RNF121: variants seen among roughly 807,000 people sequenced by gnomAD.
The protein encoded by RNF121 is ring finger protein 121.
In RNF121, 21 loss-of-function variants were observed where a neutral mutation model predicts 46.5. The observed-to-expected ratio is 0.45, with a 90% CI of 0.32 to 0.65. RNF121 has a LOEUF of 0.65. RNF121 is among the 30% of genes least tolerant of loss of function. The probability of loss-of-function intolerance (pLI) is 0.04; values close to 1 mark genes in which losing one functional copy is unlikely to be tolerated. For synonymous variants in RNF121, 139 were observed against 144.7 expected (o/e 0.96, Z 0.28); for missense variants, 346 against 416.0 (o/e 0.83, Z 1.46).
At chr11:71,930,455 G>T (rs1383666698) in intron 1 of RNF121, among the ~76,000 whole-genome samples, 9 of 152,162 alleles carry the variant, frequency 5.9e-5, no homozygotes, top group Non-Finnish European at 1.5e-5. Context: ...GATCATTAAG[G>T]TGGGAGGAAG....
At chr11:71,933,160 G>A (rs552338105) in intron 1 of RNF121, among the ~76,000 whole-genome samples, 2 of 152,312 alleles carry the variant, frequency 1.3e-5, no homozygotes, top group South Asian at 2.1e-4. Flanking sequence ...GGAATTAGAT[G>A]CACCCTTTTG....
chr11:71,955,814 G>C (rs1218648195), intron 1 of RNF121, among the ~76,000 whole-genome samples: 1 of 152,178 alleles, frequency 6.6e-6, no homozygotes, highest in East Asian at 1.9e-4. Context: ...CCTCCCATGT[G>C]TCCCCTCAGA....
intron 4 of RNF121, among the ~76,000 whole-genome samples, chr11:71,984,724 G>A (rs2134209033): frequency 6.9e-6 from 1 of 145,882 alleles, no homozygotes; most frequent in African/African-American, 2.6e-5. Context: ...GACTACAGGT[G>A]TGTGCCGCCA....
At chr11:71,982,562 T>G (rs567182386) in intron 3 of RNF121, among the ~76,000 whole-genome samples, 199 bp from the exon 4 acceptor site, 4 of 151,962 alleles carry the variant, frequency 2.6e-5, no homozygotes, top group Non-Finnish European at 5.9e-5. Flanking sequence ...CAAGAGATAG[T>G]TGAGTGAGGG....
chr11:71,929,774 G>C lies in RNF121; in HGVS notation c.63+650G>C, dbSNP rs569713230. Among the ~76,000 whole-genome samples, 9 of 152,322 alleles carry C rather than the reference G, an allele frequency of 5.9e-5. No homozygotes were observed. In the South Asian group the frequency reaches 1.5e-3, roughly 25 times the overall value. ...TCCGGGTTCTGGGCCAGGTGCTAGGGAGACAAGGGGCCCCTCCGTTGAAGA... is the reference window on the plus strand; with the variant it reads ...TCCGGGTTCTGGGCCAGGTGCTAGGCAGACAAGGGGCCCCTCCGTTGAAGA... On this transcript the variant is annotated intron_variant, in intron 1 of 8. Coordinates refer to ENST00000361756, the MANE Select transcript of RNF121 (RefSeq NM_018320.5).
At chr11:71,994,574 T>TA (rs894497608) in intron 6 of RNF121, 145 bp from the exon 7 acceptor site, 16,257 of 695,060 alleles carry the variant, frequency 0.023, no homozygotes, top group South Asian at 0.03. Flanking sequence ...CTAAACAGTT[T>TA]AAAAAAAAAA....
At chr11:71,992,466 CTT>C (rs143340960) in intron 6 of RNF121, among the ~76,000 whole-genome samples, 1 of 152,128 alleles carries the variant, frequency 6.6e-6, no homozygotes, top group African/African-American at 2.4e-5. Flanking sequence ...TTAGTGATGT[CTT>C]TGTGACAGAA....
At chr11:71,965,671 T>C (rs1475657189) in intron 3 of RNF121, among the ~76,000 whole-genome samples, 1 of 152,254 alleles carries the variant, frequency 6.6e-6, no homozygotes, top group Non-Finnish European at 1.5e-5. Flanking sequence ...ATAAATTACC[T>C]GCATACCTGT....
intron 5 of RNF121, among the ~76,000 whole-genome samples, chr11:71,987,433 T>A (rs1954792217): frequency 6.6e-6 from 1 of 152,244 alleles, no homozygotes; most frequent in South Asian, 2.1e-4. Flanking sequence ...TTAACAGAGC[T>A]GTTTTTCTCG....
chr11:71,969,283 T>C (rs1202011651), intron 3 of RNF121, among the ~76,000 whole-genome samples: 1 of 152,184 alleles, frequency 6.6e-6, no homozygotes, highest in Non-Finnish European at 1.5e-5. Context: ...AGTTGTGATA[T>C]ATTCACATAA....
At chr11:71,930,047 A>T (rs6592447) in intron 1 of RNF121, among the ~76,000 whole-genome samples, 140,741 of 152,282 alleles carry the variant, frequency 0.92, 65,304 homozygotes, top group Non-Finnish European at 0.98. Context: ...GTGTATTAAA[A>T]TACCAGTGGT....
chr11:71,981,054 C>G (rs1355358262), intron 3 of RNF121, among the ~76,000 whole-genome samples: 5 of 145,186 alleles, frequency 3.4e-5, no homozygotes, highest in Admixed American at 3.4e-4. Flanking sequence ...TAAATACTTT[C>G]TTTTTTTTTT....
At chr11:71,990,276 C>T (rs1440686128) in intron 5 of RNF121, among the ~76,000 whole-genome samples, 2 of 152,148 alleles carry the variant, frequency 1.3e-5, no homozygotes, top group Non-Finnish European at 2.9e-5. Context: ...ATGTAGGTCC[C>T]GATGAGCATA....
chr11:71,989,909 A>G (rs1954834632), intron 5 of RNF121, among the ~76,000 whole-genome samples: 1 of 152,196 alleles, frequency 6.6e-6, no homozygotes, highest in Non-Finnish European at 1.5e-5. Context: ...CAAATAGTAA[A>G]TATTTTAGGT....
At chr11:71,995,394 C>CT in intron 7 of RNF121, 56 bp from the exon 8 acceptor site, 1 of 1,391,792 alleles carries the variant, frequency 7.2e-7, no homozygotes, top group South Asian at 1.2e-5. Context: ...CAAAGACTGT[C>CT]TGGGGCTGGA....
intron 4 of RNF121, among the ~76,000 whole-genome samples, chr11:71,984,745 A>ATTTTTTTTTTTTTTTTTTTTTT (rs56134788): frequency 1.1e-5 from 1 of 94,866 alleles, no homozygotes. Flanking sequence ...CACCCGGCTA[A>ATTTTTTTTTTTTTTTTTTTTTT]TTTTTTTTTT....
intron 3 of RNF121, among the ~76,000 whole-genome samples, chr11:71,964,206 A>C (rs1019588431): frequency 6.6e-6 from 1 of 152,054 alleles, no homozygotes; most frequent in Non-Finnish European, 1.5e-5. Context: ...TGTAGTTTTC[A>C]ATGTACAAGT....
intron 3 of RNF121, among the ~76,000 whole-genome samples, chr11:71,980,461 C>T (rs1954627718): frequency 6.6e-6 from 1 of 152,178 alleles, no homozygotes; most frequent in South Asian, 2.1e-4. Context: ...ATTCTCCTGC[C>T]TCAGCCTCCC....
At position 71,997,554 on chromosome 11, in the gene RNF121, C is replaced by T. The variant is rs1449615406; in HGVS notation, c.*1239C>T. ...GCAAGAACGAAGCAGGATGTTGTCA[C>T]TCCCGTCTGAATAAAGCTCCATGAG... On this transcript the variant is annotated 3_prime_UTR_variant, in exon 9 of 9. Coordinates refer to ENST00000361756, the MANE Select transcript of RNF121 (RefSeq NM_018320.5). The T allele has an allele frequency of 2.0e-5, 3 of 152,210 alleles. No individual in the cohort carries two copies. Among genetic ancestry groups the T allele is most frequent in the Non-Finnish European group, 2.9e-5 (2 of 68,028 alleles). The allele number at this position is 152,210 out of a possible 1,614,324, so 9.4% of individuals were successfully genotyped here. A position where few individuals can be genotyped will look rare whatever the true frequency, so the allele number is the denominator to read the frequency against.
Sources: gnomAD v4.1 joint callset for allele counts (sites outside exome capture counted in the v4.1 genomes callset) on GRCh38, gnomAD v4.1.1 for gene constraint, MANE v1.5 for transcripts, NCBI Gene and HGNC (gene_info 2026-07-23, HGNC 2026-07-21) for gene names.